The following ADARB2 variants were observed in gnomAD, a reference collection of about 807,000 sequenced individuals.
The protein encoded by ADARB2 is inactive double-stranded RNA-specific editase B2.
In ADARB2, 25 loss-of-function variants were observed where a neutral mutation model predicts 62.2. The observed-to-expected ratio is 0.40, with a 90% CI of 0.29 to 0.56. The LOEUF is 0.56. Among genes scored for constraint, ADARB2 ranks in the 20% least tolerant of loss-of-function variants. ADARB2 has a pLI of 0.43. For missense variants in ADARB2, 1,071 were observed against 1,077.4 expected (o/e 0.99, Z 0.08); for synonymous variants, 572 against 500.8 (o/e 1.14, Z -1.90).
chr10:1,345,180 AC>A (rs1284710937), intron 3 of ADARB2, among the ~76,000 whole-genome samples: 2 of 152,008 alleles, frequency 1.3e-5, no homozygotes, highest in African/African-American at 4.8e-5. Context: ...CCCACCTGTC[AC>A]GGTGGTCCCC....
chr10:1,670,225 C>T (rs1162474758), intron 1 of ADARB2, among the ~76,000 whole-genome samples: 2 of 152,188 alleles, frequency 1.3e-5, no homozygotes, highest in African/African-American at 4.8e-5. Flanking sequence ...AATTTTCATA[C>T]TAGTTTGTGT....
At chr10:1,565,272 C>A (rs572589899) in intron 1 of ADARB2, among the ~76,000 whole-genome samples, 1 of 152,262 alleles carries the variant, frequency 6.6e-6, no homozygotes, top group Admixed American at 6.5e-5. Context: ...ACACAAGAAA[C>A]CTCTTATTGT....
chr10:1,209,485 C>T (rs1392414062), intron 7 of ADARB2, among the ~76,000 whole-genome samples: 6 of 141,810 alleles, frequency 4.2e-5, no homozygotes, highest in Non-Finnish European at 7.6e-5. Flanking sequence ...ATGCCCATGC[C>T]TACACTGTCG....
chr10:1,680,767 C>T (rs1006365364), intron 1 of ADARB2, among the ~76,000 whole-genome samples: 10 of 152,206 alleles, frequency 6.6e-5, no homozygotes, highest in African/African-American at 2.4e-4. Flanking sequence ...TGGCTTCTGG[C>T]TAGAGGTAAC....
intron 4 of ADARB2, among the ~76,000 whole-genome samples, chr10:1,259,604 A>T (rs1457641744): frequency 2.0e-5 from 3 of 152,270 alleles, no homozygotes; most frequent in African/African-American, 7.2e-5. Context: ...ACCAAGGAAG[A>T]AGTTGAATCT....
chr10:1,537,817 T>C (rs1832353119), intron 1 of ADARB2, among the ~76,000 whole-genome samples: 1 of 149,152 alleles, frequency 6.7e-6, no homozygotes, highest in South Asian at 2.2e-4. Context: ...TGTCAGGGGG[T>C]GAGGGGTGAG....
chr10:1,272,622 G>A (rs1485423386), intron 3 of ADARB2, among the ~76,000 whole-genome samples: 2 of 152,320 alleles, frequency 1.3e-5, no homozygotes, highest in East Asian at 3.9e-4. Flanking sequence ...AATCAATATG[G>A]AAGCCCCACA....
At chr10:1,328,281 G>A (rs1042335393) in intron 3 of ADARB2, among the ~76,000 whole-genome samples, 7 of 152,208 alleles carry the variant, frequency 4.6e-5, no homozygotes, top group South Asian at 2.1e-4. Context: ...TGTAGTCAAC[G>A]AAGGGCAGCA....
intron 4 of ADARB2, among the ~76,000 whole-genome samples, chr10:1,267,198 A>T (rs1831213398): frequency 6.6e-6 from 1 of 152,126 alleles, no homozygotes; most frequent in African/African-American, 2.4e-5. Flanking sequence ...ACTGCAGAGA[A>T]AATGTGAGGC....
intron 1 of ADARB2, among the ~76,000 whole-genome samples, chr10:1,647,323 G>C (rs975801533): frequency 6.7e-6 from 1 of 150,110 alleles, no homozygotes; most frequent in Admixed American, 6.6e-5. Context: ...AAAAAAAAGT[G>C]TGTGTGCATA....
chr10:1,399,598 G>T (rs1487796551), intron 1 of ADARB2, among the ~76,000 whole-genome samples: 1 of 152,310 alleles, frequency 6.6e-6, no homozygotes, highest in East Asian at 1.9e-4. Context: ...AGATACAAGA[G>T]GGGGAGTGTG....
rs1001506642 is a variant in ADARB2, at chr10:1,227,825, G to T, written c.1513+5869C>A. 3.9e-5 allele frequency among the ~76,000 whole-genome samples: 6 copies of T among 152,110 alleles called. No homozygotes were observed. The East Asian group carries it at 1.2e-3, about 29-fold the overall frequency. ...TAGATTTTCAAACTGTCTTCAAAAGGCATATCCCAGAAAGTCTGCCTGTGA... is the reference window on the plus strand; with the variant it reads ...TAGATTTTCAAACTGTCTTCAAAAGTCATATCCCAGAAAGTCTGCCTGTGA... On this transcript the variant is annotated intron_variant, in intron 6 of 9. Coordinates refer to ENST00000381312, the MANE Select transcript of ADARB2 (RefSeq NM_018702.4).
At chr10:1,303,024 C>G (rs1470314738) in intron 3 of ADARB2, among the ~76,000 whole-genome samples, 1 of 151,764 alleles carries the variant, frequency 6.6e-6, no homozygotes, top group Admixed American at 6.6e-5. Context: ...CAAAGCTGGA[C>G]GGAGAATGAC....
intron 1 of ADARB2, among the ~76,000 whole-genome samples, chr10:1,399,495 C>G (rs1036461256): frequency 6.6e-6 from 1 of 152,034 alleles, no homozygotes; most frequent in Non-Finnish European, 1.5e-5. Flanking sequence ...CCGACTGAAG[C>G]TCAGTCAATT....
chr10:1,493,817 G>A (rs1217078053), intron 1 of ADARB2, among the ~76,000 whole-genome samples: 1 of 125,382 alleles, frequency 8.0e-6, no homozygotes, highest in Non-Finnish European at 1.6e-5. Flanking sequence ...GGAGTGCAAT[G>A]GCACGATCTC....
intron 1 of ADARB2, among the ~76,000 whole-genome samples, chr10:1,690,526 A>AT (rs1011774151): frequency 1.3e-5 from 2 of 152,182 alleles, no homozygotes; most frequent in South Asian, 2.1e-4. Context: ...TCCAGAGGTG[A>AT]TTACTCGTTG....
intron 1 of ADARB2, among the ~76,000 whole-genome samples, chr10:1,555,803 C>T (rs1832692141): frequency 6.6e-6 from 1 of 152,078 alleles, no homozygotes; most frequent in Non-Finnish European, 1.5e-5. Context: ...GGTGTGATGG[C>T]GTGCGCCTGT....
rs919621719 is a variant in ADARB2 at position 1,427,013 on chromosome 10, C to T, written c.101-47853G>A. On this transcript the variant is annotated intron_variant, in intron 1 of 9. Coordinates refer to ENST00000381312, the MANE Select transcript of ADARB2 (RefSeq NM_018702.4). The stretch of plus-strand genomic sequence containing the variant: ...GACCACTGCAGGCACGTGTGTACTC[C>T]GCTGGGCTCCAGGGGCCTGATTTTT... Among the ~76,000 whole-genome samples the T allele has an allele frequency of 7.9e-5, 12 of 152,352 alleles. 1 individual carries two copies. The South Asian group carries it at 1.0e-3, about 13-fold the overall frequency.
chr10:1,658,092 TTC>T (rs371293525), intron 1 of ADARB2, among the ~76,000 whole-genome samples: 6 of 151,750 alleles, frequency 4.0e-5, no homozygotes, highest in South Asian at 2.1e-4. Flanking sequence ...CTCTGTCTGA[TTC>T]TCTCTCTCTG....
Sources: gnomAD v4.1 joint callset for allele counts (sites outside exome capture counted in the v4.1 genomes callset) on GRCh38, gnomAD v4.1.1 for gene constraint, MANE v1.5 for transcripts, NCBI Gene and HGNC (gene_info 2026-07-23, HGNC 2026-07-21) for gene names.